RTL4: variants seen among roughly 807,000 people sequenced by gnomAD.
The protein encoded by RTL4 is retrotransposon Gag-like protein 4.
RTL4 carries 4 observed loss-of-function variants against 5.3 expected under a neutral mutation model. The ratio of observed to expected loss-of-function variants is 0.75; its 90% CI spans 0.37 to 1.72. The LOEUF (loss-of-function observed/expected upper bound fraction) is 1.72, where lower values mean the gene tolerates loss of function less well. Ranked by LOEUF, RTL4 falls within the 40% of genes most tolerant of loss-of-function variation. The pLI is 0.04. For synonymous variants in RTL4, 98 were observed against 87.3 expected (o/e 1.12, Z -0.68); for missense variants, 260 against 227.1 (o/e 1.14, Z -0.93).
chrX:112,391,967 T>G, the RTL4 span, among the ~76,000 whole-genome samples: 1 of 109,704 alleles, frequency 9.1e-6, no homozygotes, highest in African/African-American at 3.3e-5. Context: ...GGATGGAGGG[T>G]CTGTGTTTGG....
chrX:112,275,051 C>T, the RTL4 span, among the ~76,000 whole-genome samples: 1 of 111,193 alleles, frequency 9.0e-6, no homozygotes, highest in East Asian at 2.8e-4. Context: ...AGATCATACA[C>T]CTAATATGTG....
the RTL4 span, among the ~76,000 whole-genome samples, chrX:112,377,734 CTTG>C: frequency 9.0e-6 from 1 of 111,575 alleles, no homozygotes; most frequent in Non-Finnish European, 1.9e-5. Context: ...TGTAAGCAGC[CTTG>C]TTGTTTGAGA....
the RTL4 span, among the ~76,000 whole-genome samples, chrX:112,260,230 A>G: frequency 9.0e-6 from 1 of 111,305 alleles, no homozygotes; most frequent in Non-Finnish European, 1.9e-5. Flanking sequence ...GGGGCCCCTG[A>G]AGGAAATAGG....
At chrX:112,148,284 T>C in the RTL4 span, among the ~76,000 whole-genome samples, 2 of 105,452 alleles carry the variant, frequency 1.9e-5, no homozygotes, top group Non-Finnish European at 3.9e-5. Context: ...GAAATACGTG[T>C]TCCTCTTCTC....
the RTL4 span, among the ~76,000 whole-genome samples, chrX:112,219,016 T>C: frequency 8.9e-6 from 1 of 112,376 alleles, no homozygotes; most frequent in South Asian, 3.7e-4. Flanking sequence ...TTGTTCCTGA[T>C]AGCACAATAG....
At chrX:112,316,737 A>G in the RTL4 span, among the ~76,000 whole-genome samples, 1 of 111,560 alleles carries the variant, frequency 9.0e-6, no homozygotes, top group African/African-American at 3.3e-5. Flanking sequence ...CTTCCCTCCC[A>G]CTTCTCCCAA....
rs376819833 is a variant in RTL4, at chrX:112,455,690, C to T, written c.*29C>T. 2.2e-5 allele frequency: 25 copies of T among 1,147,806 alleles called. No homozygotes were observed. The African/African-American group carries it at 4.1e-4, about 19-fold the overall frequency. 94.6% of individuals were successfully genotyped at this position (1,147,806 alleles called of 1,213,427 possible). ...GAGACCAGGAAAGTCACTTTTTAAACTTACATCCCAGCCTTACTGATTTAT... is the reference window on the plus strand; with the variant it reads ...GAGACCAGGAAAGTCACTTTTTAAATTTACATCCCAGCCTTACTGATTTAT... On this transcript the variant is annotated 3_prime_UTR_variant, in exon 1 of 1. Transcript: ENST00000340433.
chrX:112,110,102 A>G, the RTL4 span, among the ~76,000 whole-genome samples: 1 of 112,004 alleles, frequency 8.9e-6, no homozygotes, highest in Non-Finnish European at 1.9e-5. Context: ...CCAACTCCAG[A>G]GGGTGGTATA....
the RTL4 span, among the ~76,000 whole-genome samples, chrX:112,141,688 G>A: frequency 1.2e-4 from 13 of 111,009 alleles, no homozygotes; most frequent in South Asian, 7.7e-4. Flanking sequence ...GAGATATCTC[G>A]TATATCAAGT....
exon 1 of RTL4, chrX:112,455,253 T>C (rs1409506607): frequency 2.5e-6 from 3 of 1,211,422 alleles, no homozygotes; most frequent in Non-Finnish European, 1.1e-6. Context: ...ATCTGATCTG[T>C]AATGAAACCA....
the RTL4 span, among the ~76,000 whole-genome samples, chrX:112,216,500 TTTGCCC>T: frequency 8.9e-6 from 1 of 111,817 alleles, no homozygotes. Context: ...GGAGGACTAT[TTTGCCC>T]ACCCTAGCCT....
At chrX:112,384,321 T>C in the RTL4 span, among the ~76,000 whole-genome samples, 1 of 112,135 alleles carries the variant, frequency 8.9e-6, no homozygotes, top group Non-Finnish European at 1.9e-5. Flanking sequence ...CGTTTTCTTC[T>C]ATGGTTTTTA....
the RTL4 span, among the ~76,000 whole-genome samples, chrX:112,312,405 T>A: frequency 8.9e-6 from 1 of 111,937 alleles, no homozygotes; most frequent in Non-Finnish European, 1.9e-5. Flanking sequence ...AGAGCTTGAT[T>A]TTCAGCTGTA....
chrX:112,353,413 G>A, the RTL4 span, among the ~76,000 whole-genome samples: 3 of 111,162 alleles, frequency 2.7e-5, no homozygotes, highest in Non-Finnish European at 5.7e-5. Context: ...ATTCACAATG[G>A]CAAAGACTTG....
chrX:112,224,726 T>G, the RTL4 span, among the ~76,000 whole-genome samples: 1 of 111,494 alleles, frequency 9.0e-6, no homozygotes, highest in East Asian at 2.8e-4. Context: ...TCAATGGCAG[T>G]CAAGCTCTCA....
chrX:112,372,401 G>A, the RTL4 span, among the ~76,000 whole-genome samples: 1 of 111,346 alleles, frequency 9.0e-6, no homozygotes, highest in Non-Finnish European at 1.9e-5. Context: ...GCTGTTTCCA[G>A]TTTTGGGCTA....
chrX:112,179,600 G>A, the RTL4 span, among the ~76,000 whole-genome samples: 1 of 111,841 alleles, frequency 8.9e-6, no homozygotes, highest in Non-Finnish European at 1.9e-5. Context: ...CAATTAAGGT[G>A]AAAAGGAACA....
the RTL4 span, among the ~76,000 whole-genome samples, chrX:112,229,570 T>C: frequency 8.9e-6 from 1 of 112,138 alleles, no homozygotes; most frequent in African/African-American, 3.2e-5. Context: ...GGGCATCCAA[T>C]ATTTTGCCTT....
chrX:112,267,774 CT>C, the RTL4 span, among the ~76,000 whole-genome samples: 2 of 110,798 alleles, frequency 1.8e-5, no homozygotes, highest in African/African-American at 6.6e-5. Context: ...TTTCTTCCCC[CT>C]TTTTTTCCCA....
Sources: allele counts gnomAD v4.1 joint callset (sites outside exome capture counted in the v4.1 genomes callset), GRCh38; gene constraint gnomAD v4.1.1; transcripts MANE v1.5; gene names NCBI Gene and HGNC (gene_info 2026-07-23, HGNC 2026-07-21).